Variants in TMEM178B observed in about 807,000 individuals in gnomAD.
TMEM178B encodes transmembrane protein 178B.
In TMEM178B, 5 loss-of-function variants were observed where a neutral mutation model predicts 31.0. The ratio of observed to expected loss-of-function variants is 0.16; its 90% CI spans 0.08 to 0.34. The LOEUF (loss-of-function observed/expected upper bound fraction) is 0.34, where lower values mean the gene tolerates loss of function less well. Ranked by LOEUF, TMEM178B falls within the 10% of genes least tolerant of loss-of-function variation. TMEM178B has a pLI of 1.00. For missense variants in TMEM178B, 275 were observed against 400.3 expected (o/e 0.69, Z 2.67); for synonymous variants, 164 against 164.0 (o/e 1.00, Z 0.00).
chr7:141,354,761 C>A (rs1163134454), intron 2 of TMEM178B, among the ~76,000 whole-genome samples: 1 of 152,144 alleles, frequency 6.6e-6, no homozygotes, highest in Non-Finnish European at 1.5e-5. Flanking sequence ...AGTTCCATTT[C>A]TGTGTCCTTT....
intron 2 of TMEM178B, among the ~76,000 whole-genome samples, chr7:141,246,225 G>A (rs780737669): frequency 6.6e-6 from 1 of 152,196 alleles, no homozygotes; most frequent in Non-Finnish European, 1.5e-5. Flanking sequence ...TCTCTATGGA[G>A]CCATGCTTAT....
At chr7:141,379,328 G>A (rs1025950970) in intron 2 of TMEM178B, among the ~76,000 whole-genome samples, 1 of 150,308 alleles carries the variant, frequency 6.7e-6, no homozygotes, top group African/African-American at 2.5e-5. Flanking sequence ...AAATTAAAAT[G>A]TAAAAAGTTG....
chr7:141,454,120 T>C (rs1801917624), intron 3 of TMEM178B, among the ~76,000 whole-genome samples: 1 of 152,124 alleles, frequency 6.6e-6, no homozygotes, highest in South Asian at 2.1e-4. Context: ...TAATAATTAA[T>C]ATAATTACCC....
chr7:141,207,747 A>G (rs1796988939), intron 1 of TMEM178B, among the ~76,000 whole-genome samples: 1 of 152,184 alleles, frequency 6.6e-6, no homozygotes, highest in East Asian at 1.9e-4. Flanking sequence ...AAGGCAGAGC[A>G]TGACTGAGGG....
intron 1 of TMEM178B, among the ~76,000 whole-genome samples, chr7:141,139,340 T>C (rs542108892): frequency 6.6e-6 from 1 of 152,114 alleles, no homozygotes; most frequent in Admixed American, 6.5e-5. Flanking sequence ...CTTCAATATT[T>C]CATTTCCCAT....
chr7:141,157,454 C>T lies in TMEM178B; in HGVS notation c.383-55137C>T, dbSNP rs369632836. ...ACACACACACACACGCACACACACACGCACACCAGCCAACCAACAAGCAAA... is the reference window on the plus strand; with the variant it reads ...ACACACACACACACGCACACACACATGCACACCAGCCAACCAACAAGCAAA... On this transcript the variant is annotated intron_variant, in intron 1 of 3. Transcript: ENST00000565468. Among the ~76,000 whole-genome samples the T allele has an allele frequency of 2.3e-3, 343 of 152,098 alleles. 13 individuals carry two copies. The South Asian group carries it at 0.043, about 19-fold the overall frequency.
chr7:141,228,069 T>TA (rs1797375562), intron 2 of TMEM178B, among the ~76,000 whole-genome samples: 1 of 152,114 alleles, frequency 6.6e-6, no homozygotes, highest in African/African-American at 2.4e-5. Context: ...TGCACACACA[T>TA]ATCACATTCA....
At chr7:141,096,033 A>G (rs896904109) in intron 1 of TMEM178B, among the ~76,000 whole-genome samples, 2 of 152,256 alleles carry the variant, frequency 1.3e-5, no homozygotes, top group African/African-American at 4.8e-5. Context: ...CACTACTGGC[A>G]TTGATGGCCT....
intron 2 of TMEM178B, among the ~76,000 whole-genome samples, chr7:141,400,260 A>G (rs778782221): frequency 6.6e-6 from 1 of 152,204 alleles, no homozygotes; most frequent in African/African-American, 2.4e-5. Flanking sequence ...AAAGACAAAG[A>G]TATGTCCAAA....
chr7:141,098,775 C>T (rs773067761), intron 1 of TMEM178B, among the ~76,000 whole-genome samples: 1 of 152,206 alleles, frequency 6.6e-6, no homozygotes, highest in Non-Finnish European at 1.5e-5. Flanking sequence ...AAGGCCATTT[C>T]CATGTGCGTA....
downstream of TMEM178B, among the ~76,000 whole-genome samples, chr7:141,482,366 T>C (rs1802493072): frequency 1.3e-5 from 2 of 152,216 alleles, no homozygotes; most frequent in African/African-American, 4.8e-5. Context: ...GCATGCTGTG[T>C]CTCTCATGGT....
intron 2 of TMEM178B, among the ~76,000 whole-genome samples, chr7:141,240,107 T>C (rs1260179117): frequency 6.6e-6 from 1 of 152,242 alleles, no homozygotes; most frequent in Non-Finnish European, 1.5e-5. Context: ...AATTTTATAC[T>C]ATGGTGCATC....
intron 2 of TMEM178B, among the ~76,000 whole-genome samples, chr7:141,290,355 G>T (rs539090696): frequency 6.6e-6 from 1 of 152,310 alleles, no homozygotes; most frequent in East Asian, 1.9e-4. Flanking sequence ...AGGAGGTGTG[G>T]CTTACTAACA....
At chr7:141,349,695 C>G (rs915364751) in intron 2 of TMEM178B, among the ~76,000 whole-genome samples, 4 of 152,124 alleles carry the variant, frequency 2.6e-5, no homozygotes, top group African/African-American at 9.7e-5. Context: ...GACAGGAGTG[C>G]CAGTGGTTGG....
chr7:141,354,096 G>C (rs974312498), intron 2 of TMEM178B, among the ~76,000 whole-genome samples: 4 of 152,198 alleles, frequency 2.6e-5, no homozygotes, highest in African/African-American at 9.7e-5. Flanking sequence ...CTGAGAACTA[G>C]CCCAAATCCT....
intron 2 of TMEM178B, among the ~76,000 whole-genome samples, chr7:141,436,399 A>G (rs1282540401): frequency 1.3e-5 from 2 of 152,006 alleles, no homozygotes; most frequent in African/African-American, 2.4e-5. Context: ...CTGTTCTGCA[A>G]CCCCCTGGGA....
chr7:141,254,902 CA>C (rs1167692778), intron 2 of TMEM178B, among the ~76,000 whole-genome samples: 2 of 152,134 alleles, frequency 1.3e-5, no homozygotes, highest in Admixed American at 6.5e-5. Flanking sequence ...ATATATGAAT[CA>C]GGGGGCAGTC....
chr7:141,214,588 C>A (rs1339989326), intron 2 of TMEM178B, among the ~76,000 whole-genome samples: 2 of 152,224 alleles, frequency 1.3e-5, no homozygotes, highest in Non-Finnish European at 2.9e-5. Flanking sequence ...TGGTAGAACT[C>A]TTTTGACTGC....
At chr7:141,142,461 G>A (rs1481629427) in intron 1 of TMEM178B, among the ~76,000 whole-genome samples, 1 of 149,734 alleles carries the variant, frequency 6.7e-6, no homozygotes, top group Non-Finnish European at 1.5e-5. Context: ...AGGCTGGAGT[G>A]CAGTGGTGCA....
Sources: gnomAD v4.1 joint callset for allele counts (sites outside exome capture counted in the v4.1 genomes callset) on GRCh38, gnomAD v4.1.1 for gene constraint, MANE v1.5 for transcripts, NCBI Gene and HGNC (gene_info 2026-07-23, HGNC 2026-07-21) for gene names.